SLC12A8: variants seen among roughly 807,000 people sequenced by gnomAD.
SLC12A8 encodes the protein cation-chloride cotransporter 9.
In SLC12A8, 69 loss-of-function variants were observed where a neutral mutation model predicts 75.6. That is an observed-to-expected ratio of 0.91 (90% confidence interval 0.75 to 1.11). SLC12A8 has a LOEUF of 1.11. Ranked by LOEUF, SLC12A8 falls within the 50% of genes most tolerant of loss-of-function variation. The pLI is 0.00. For synonymous variants in SLC12A8, 365 were observed against 372.8 expected, an observed-to-expected ratio of 0.98 and a Z score of 0.24; for missense variants, 877 against 896.7, an observed-to-expected ratio of 0.98 and a Z score of 0.28.
intron 8 of SLC12A8, among the ~76,000 whole-genome samples, chr3:125,118,239 T>C (rs1478240538): frequency 2.0e-5 from 3 of 152,206 alleles, no homozygotes; most frequent in African/African-American, 4.8e-5. Context: ...CTGGGCATCA[T>C]TATCTGTTTC....
intron 5 of SLC12A8, among the ~76,000 whole-genome samples, chr3:125,166,070 G>C (rs1024820428): frequency 4.6e-5 from 7 of 151,966 alleles, no homozygotes; most frequent in Non-Finnish European, 1.0e-4. Context: ...ACCAGCACAG[G>C]CTGCCCAAGC....
intron 5 of SLC12A8, among the ~76,000 whole-genome samples, chr3:125,145,521 C>A (rs988779923): frequency 1.3e-5 from 2 of 152,124 alleles, no homozygotes; most frequent in African/African-American, 4.8e-5. Flanking sequence ...CTTTGAAGAC[C>A]TCATGCTAAG....
At chr3:125,120,018 G>C (rs73191223) in intron 7 of SLC12A8, 34,333 of 398,638 alleles carry the variant, frequency 0.086, 1,901 homozygotes, top group East Asian at 0.17. Context: ...GGAGCTGGAG[G>C]GGAGGCTCAC....
chr3:125,118,676 C>T (rs1932960663), intron 8 of SLC12A8, 93 bp downstream of exon 8: 2 of 810,820 alleles, frequency 2.5e-6, no homozygotes, highest in Middle Eastern at 2.6e-4. Context: ...GATTCCCAGA[C>T]AGTACTGCAA....
At chr3:125,201,139 T>G (rs1315808314) in intron 2 of SLC12A8, among the ~76,000 whole-genome samples, 3 of 152,166 alleles carry the variant, frequency 2.0e-5, no homozygotes, top group Non-Finnish European at 4.4e-5. Flanking sequence ...TGGCTCACAT[T>G]TGTAATCCCA....
In SLC12A8 at chr3:125,139,287, C is replaced by A. The variant is rs191142488; in HGVS notation, c.623-3505G>T. 1.7e-3 allele frequency among the ~76,000 whole-genome samples: 264 copies of A among 152,198 alleles called. 1 individual carries two copies. The highest frequency in any genetic ancestry group is 3.6e-3 in the Admixed American group (55 of 15,300). On this transcript the variant is annotated intron_variant, in intron 5 of 13. Coordinates refer to ENST00000469902, the MANE Select transcript of SLC12A8 (RefSeq NM_024628.6). ...ACACCCCCAGTCGTACCTCCATGAC[C>A]CACAGTCTGAGGCCTTATTCAGAGA...
intron 6 of SLC12A8, among the ~76,000 whole-genome samples, chr3:125,130,600 GAA>G (rs1933328023): frequency 1.9e-4 from 1 of 5,192 alleles, no homozygotes; most frequent in Non-Finnish European, 4.5e-3. Context: ...TTAAAAAAAA[GAA>G]AAAGAAAAAG....
intron 11 of SLC12A8, 31 bp from the exon 12 acceptor site, chr3:125,091,587 C>T (rs1375104372): frequency 6.8e-7 from 1 of 1,464,250 alleles, no homozygotes; most frequent in Non-Finnish European, 9.6e-7. Context: ...GAGCAAATCA[C>T]CTAATGGCTT....
intron 6 of SLC12A8, among the ~76,000 whole-genome samples, chr3:125,127,317 G>A (rs1933232458): frequency 6.6e-6 from 1 of 152,230 alleles, no homozygotes; most frequent in South Asian, 2.1e-4. Flanking sequence ...GGGACAGACA[G>A]TGTCAAATAA....
intron 8 of SLC12A8, among the ~76,000 whole-genome samples, chr3:125,114,945 T>G (rs1349652445): frequency 6.6e-6 from 1 of 152,230 alleles, no homozygotes; most frequent in African/African-American, 2.4e-5. Context: ...TAAATAATAC[T>G]GAGATTGACT....
intron 5 of SLC12A8, among the ~76,000 whole-genome samples, chr3:125,169,437 G>A (rs761906187): frequency 2.6e-5 from 4 of 152,146 alleles, no homozygotes; most frequent in Admixed American, 2.0e-4. Context: ...AAATGAGGAC[G>A]ATGAGAAGGA....
At chr3:125,106,641 G>C (rs1221670340) in intron 10 of SLC12A8, among the ~76,000 whole-genome samples, 1 of 152,102 alleles carries the variant, frequency 6.6e-6, no homozygotes, top group Non-Finnish European at 1.5e-5. Flanking sequence ...GTGAGCCACC[G>C]CGCCCGGCCA....
chr3:125,092,093 T>C lies in SLC12A8; in HGVS notation c.1803+8A>G, dbSNP rs755633575. 1.6e-5 allele frequency: 25 copies of C among 1,593,612 alleles called. No homozygotes were observed. The highest frequency in any genetic ancestry group is 1.7e-4 in the Middle Eastern group (1 of 6,004). ...AAGAACAACTGAGATCAAGATGAAG[T>C]TACTCACCCCCAACAGGGAGACCCA... On this transcript the variant is annotated splice_region_variant and intron_variant, in intron 11 of 13. Coordinates refer to ENST00000469902, the MANE Select transcript of SLC12A8 (RefSeq NM_024628.6).
intron 8 of SLC12A8, among the ~76,000 whole-genome samples, chr3:125,115,203 A>C (rs1267864228): frequency 6.6e-6 from 1 of 152,170 alleles, no homozygotes; most frequent in Non-Finnish European, 1.5e-5. Flanking sequence ...GCTGGGAGAA[A>C]GTTCCTCTGC....
intron 5 of SLC12A8, among the ~76,000 whole-genome samples, chr3:125,149,883 A>T (rs895376195): frequency 6.6e-6 from 1 of 152,222 alleles, no homozygotes; most frequent in Non-Finnish European, 1.5e-5. Flanking sequence ...ACAATTGGTC[A>T]GGCTTGGTCT....
chr3:125,108,639 G>T (rs543082133), intron 9 of SLC12A8, among the ~76,000 whole-genome samples: 58 of 152,324 alleles, frequency 3.8e-4, no homozygotes, highest in Non-Finnish European at 2.2e-4. Context: ...AGAGTGTTAG[G>T]ATTACAGGCA....
intron 6 of SLC12A8, among the ~76,000 whole-genome samples, chr3:125,124,545 T>C (rs1004741749): frequency 5.3e-5 from 8 of 152,186 alleles, no homozygotes; most frequent in Non-Finnish European, 1.2e-4. Flanking sequence ...CAGGCTGGTC[T>C]CGAACTCCTA....
chr3:125,173,000 G>A (rs2107785138), intron 5 of SLC12A8, among the ~76,000 whole-genome samples: 1 of 152,280 alleles, frequency 6.6e-6, no homozygotes, highest in East Asian at 1.9e-4. Context: ...CCAACATAGT[G>A]AAACACTGTC....
At chr3:125,149,566 T>C (rs1215881295) in intron 5 of SLC12A8, among the ~76,000 whole-genome samples, 1 of 152,184 alleles carries the variant, frequency 6.6e-6, no homozygotes, top group African/African-American at 2.4e-5. Context: ...CAGAGAAATA[T>C]TAAATGTGCA....
Sources: allele counts gnomAD v4.1 joint callset (sites outside exome capture counted in the v4.1 genomes callset), GRCh38; gene constraint gnomAD v4.1.1; transcripts MANE v1.5; gene names NCBI Gene and HGNC (gene_info 2026-07-23, HGNC 2026-07-21).